Variants in TRIO observed in about 807,000 individuals in gnomAD.
TRIO encodes the protein trio Rho guanine nucleotide exchange factor, also known as triple functional domain protein.
A neutral mutation model predicts 351.9 loss-of-function variants in TRIO; 58 were observed. The ratio of observed to expected loss-of-function variants is 0.16; its 90% CI spans 0.13 to 0.21. The LOEUF is 0.21. TRIO is among the 10% of genes least tolerant of loss of function. The probability of loss-of-function intolerance (pLI) is 1.00; values close to 1 mark genes in which losing one functional copy is unlikely to be tolerated. For missense variants in TRIO, 3,201 were observed against 4,027.8 expected (o/e 0.79, Z 5.56); for synonymous variants, 1,758 against 1,595.7 (o/e 1.10, Z -2.42).
rs27100 is a variant in TRIO, at chr5:14,462,707, C to T, written c.5497-48C>T. 658,124 of 1,606,334 alleles carry T rather than the reference C, an allele frequency of 0.41. 144,723 individuals carry two copies. The highest frequency in any genetic ancestry group is 0.84 in the African/African-American group (62,443 of 74,412). On this transcript the variant is annotated intron_variant, in intron 35 of 56. Transcript: ENST00000344204. ...TCTCCAAGTAACCCTTGGTCCACGTCTGTGAACTGGCCTGGAATATAATGA... is the reference window on the plus strand; with the variant it reads ...TCTCCAAGTAACCCTTGGTCCACGTTTGTGAACTGGCCTGGAATATAATGA...
At chr5:14,423,127 T>C (rs1750319531) in intron 34 of TRIO, among the ~76,000 whole-genome samples, 2 of 152,214 alleles carry the variant, frequency 1.3e-5, no homozygotes, top group South Asian at 2.1e-4. Context: ...ACGCCGGGCA[T>C]AGCAGGATTG....
chr5:14,369,224 C>G, intron 17 of TRIO, 150 bp from the exon 18 acceptor site: 1 of 1,164,606 alleles, frequency 8.6e-7, no homozygotes, highest in Admixed American at 2.8e-5. Flanking sequence ...TAGTTGTTCT[C>G]CAGCCAGGTG....
intron 2 of TRIO, among the ~76,000 whole-genome samples, chr5:14,274,605 C>T (rs1735335563): frequency 6.6e-6 from 1 of 152,062 alleles, no homozygotes; most frequent in African/African-American, 2.4e-5. Flanking sequence ...GTCCCATCAC[C>T]ACTTACTTGA....
intron 1 of TRIO, among the ~76,000 whole-genome samples, chr5:14,194,766 A>G (rs759843290): frequency 2.0e-5 from 3 of 152,248 alleles, no homozygotes; most frequent in Non-Finnish European, 4.4e-5. Flanking sequence ...CCACATACAC[A>G]CATATATGCA....
At chr5:14,494,450 A>G (rs1160118574) in intron 49 of TRIO, among the ~76,000 whole-genome samples, 1 of 152,208 alleles carries the variant, frequency 6.6e-6, no homozygotes, top group Non-Finnish European at 1.5e-5. Context: ...AAATTCTTTC[A>G]AAATATTACT....
At chr5:14,347,369 G>C (rs1354560871) in intron 11 of TRIO, among the ~76,000 whole-genome samples, 1 of 144,186 alleles carries the variant, frequency 6.9e-6, no homozygotes, top group Non-Finnish European at 1.5e-5. Flanking sequence ...GAACAGAGAT[G>C]ATGCTGGACC....
intron 47 of TRIO, 145 bp from the exon 48 acceptor site, chr5:14,487,319 A>T: frequency 1.0e-6 from 1 of 977,714 alleles, no homozygotes; most frequent in Non-Finnish European, 1.2e-6. Context: ...GGCCTCTTCT[A>T]GCTCTCCTGA....
At chr5:14,249,385 T>TG (rs1794615068) in intron 1 of TRIO, among the ~76,000 whole-genome samples, 1 of 151,736 alleles carries the variant, frequency 6.6e-6, no homozygotes, top group Admixed American at 6.6e-5. Flanking sequence ...GTTTACAGAG[T>TG]GAGTGGAGTG....
intron 1 of TRIO, among the ~76,000 whole-genome samples, chr5:14,195,131 G>T (rs1047816045): frequency 6.6e-6 from 1 of 152,060 alleles, no homozygotes; most frequent in Non-Finnish European, 1.5e-5. Flanking sequence ...CTTGCCAGGT[G>T]CCCATTAATG....
chr5:14,440,818 G>C (rs1340325358), intron 34 of TRIO: 3 of 152,194 alleles, frequency 2.0e-5, no homozygotes, highest in Admixed American at 2.0e-4. Context: ...CGGCCTGCGT[G>C]GGGAGGGCAA....
intron 10 of TRIO, among the ~76,000 whole-genome samples, chr5:14,334,739 G>T (rs1446703855): frequency 6.6e-6 from 1 of 152,252 alleles, no homozygotes; most frequent in Non-Finnish European, 1.5e-5. Flanking sequence ...CCGAGGTGAC[G>T]CTCAGCTGGG....
At chr5:14,380,148 C>T (rs1315704946) in intron 20 of TRIO, among the ~76,000 whole-genome samples, 1 of 152,208 alleles carries the variant, frequency 6.6e-6, no homozygotes, top group Non-Finnish European at 1.5e-5. Context: ...GACATCACTC[C>T]ACAGTGACTT....
intron 1 of TRIO, among the ~76,000 whole-genome samples, chr5:14,168,832 A>C (rs953052065): frequency 2.6e-5 from 4 of 152,210 alleles, no homozygotes; most frequent in African/African-American, 9.7e-5. Context: ...CTTTTTGGAA[A>C]AAGTGTTGAG....
intron 1 of TRIO, among the ~76,000 whole-genome samples, chr5:14,157,488 C>T (rs2152118862): frequency 7.0e-6 from 1 of 142,926 alleles, no homozygotes; most frequent in Non-Finnish European, 1.5e-5. Flanking sequence ...CCTCTCTCTC[C>T]CTGTCTCCCT....
chr5:14,471,041 T>C (rs1309651899), intron 37 of TRIO, among the ~76,000 whole-genome samples: 3 of 152,230 alleles, frequency 2.0e-5, no homozygotes, highest in African/African-American at 7.2e-5. Flanking sequence ...AAGTATAACA[T>C]TTCTACTTGT....
Position 14,280,266 on chromosome 5 carries a change from C to T in TRIO, c.233-56C>T, listed in dbSNP as rs112091725. ...TTTTGACAGAGTGAATGGATGATAA[C>T]ATAGGATTTCTGTCTTATCTTGTGT... is the stretch of plus-strand genomic sequence containing the variant. On this transcript the variant is annotated intron_variant, in intron 2 of 56. Coordinates refer to ENST00000344204, the MANE Select transcript of TRIO (RefSeq NM_007118.4). 5.4e-4 allele frequency: 814 copies of T among 1,510,820 alleles called. 11 individuals carry two copies. The highest frequency in any genetic ancestry group is 5.3e-3 in the African/African-American group (386 of 72,886). 93.6% of individuals were successfully genotyped at this position (1,510,820 alleles called of 1,614,324 possible).
Position 14,368,732 on chromosome 5 carries a change from G to A in TRIO, c.2899G>A (p.Val967Met). 1 of 1,613,956 alleles carries A rather than the reference G, an allele frequency of 6.2e-7. No homozygotes were observed. The highest frequency in any genetic ancestry group is 8.5e-7 in the Non-Finnish European group (1 of 1,179,908). The change falls in exon 17 of 57, where the codon GTG (valine) becomes ATG (methionine). Residue 967 changes from valine (V) to methionine (M), a missense_variant. Val to Met is a conservative substitution (Grantham distance 21). Around this residue, in one of 19 missense-constraint regions of TRIO, gnomAD observed 363 missense variants for 553.5 expected, o/e 0.66. Coordinates refer to ENST00000344204, the MANE Select transcript of TRIO (RefSeq NM_007118.4). ...IEKTHQSALQVQQKAEAMLQA... is the reference protein window; with the variant it reads ...IEKTHQSALQMQQKAEAMLQA... ...GAAAACACATCAGAGCGCGCTGCAG[G>A]TGCAGCAGAAGGCAGAAGCCATGCT...
chr5:14,501,274 G>A (rs999317172), intron 53 of TRIO, among the ~76,000 whole-genome samples: 1 of 152,148 alleles, frequency 6.6e-6, no homozygotes, highest in African/African-American at 2.4e-5. Flanking sequence ...CATTTATAAA[G>A]CACTTTAAAG....
intron 11 of TRIO, among the ~76,000 whole-genome samples, chr5:14,354,991 T>C (rs1238319694): frequency 6.6e-6 from 1 of 152,184 alleles, no homozygotes; most frequent in Non-Finnish European, 1.5e-5. Context: ...TCAGTGCAGT[T>C]GCACAGCACC....
Sources: allele counts gnomAD v4.1 joint callset (sites outside exome capture counted in the v4.1 genomes callset), GRCh38; gene constraint gnomAD v4.1.1; regional missense constraint gnomAD v4.1.1; transcripts MANE v1.5; gene names NCBI Gene and HGNC (gene_info 2026-07-23, HGNC 2026-07-21).